The following RBPJ variants were observed in gnomAD, a reference collection of about 807,000 sequenced individuals.
RBPJ encodes the protein recombination signal binding protein for immunoglobulin kappa J region, also known as recombining binding protein suppressor of hairless.
RBPJ carries 9 observed loss-of-function variants against 67.8 expected under a neutral mutation model. The ratio of observed to expected loss-of-function variants is 0.13; its 90% CI spans 0.08 to 0.23. The LOEUF is 0.23. RBPJ is among the 10% of genes least tolerant of loss of function. RBPJ has a pLI of 1.00. For missense variants in RBPJ, 305 were observed against 595.6 expected (o/e 0.51, Z 5.08); for synonymous variants, 198 against 203.3 (o/e 0.97, Z 0.22).
intron 1 of RBPJ, among the ~76,000 whole-genome samples, chr4:26,347,107 G>C (rs185926799): frequency 2.8e-4 from 43 of 152,322 alleles, no homozygotes; most frequent in Non-Finnish European, 4.7e-4. Context: ...ATGGCCTTGA[G>C]GTAAAAGGCA....
intron 1 of RBPJ, among the ~76,000 whole-genome samples, chr4:26,210,952 C>T (rs1718400799): frequency 6.6e-6 from 1 of 151,812 alleles, no homozygotes; most frequent in Non-Finnish European, 1.5e-5. Context: ...TTATTTTTCT[C>T]CTTAAGTAGT....
At chr4:26,215,860 G>A (rs10050115) in intron 1 of RBPJ, among the ~76,000 whole-genome samples, 3 of 151,762 alleles carry the variant, frequency 2.0e-5, no homozygotes, top group Admixed American at 6.6e-5. Flanking sequence ...GTTCAGTGCC[G>A]GGCAGCACAT....
At chr4:26,176,251 T>C (rs1716791524) in intron 1 of RBPJ, among the ~76,000 whole-genome samples, 1 of 152,194 alleles carries the variant, frequency 6.6e-6, no homozygotes, top group Admixed American at 6.5e-5. Context: ...GCTGGCTCTA[T>C]TATTCCTATT....
chr4:26,228,511 G>A (rs1048287129), intron 1 of RBPJ, among the ~76,000 whole-genome samples: 1 of 152,002 alleles, frequency 6.6e-6, no homozygotes, highest in African/African-American at 2.4e-5. Context: ...TTCCAATTCC[G>A]ATTTCATTCT....
chr4:26,394,319 G>A (rs941736031), intron 2 of RBPJ, among the ~76,000 whole-genome samples: 3 of 152,068 alleles, frequency 2.0e-5, no homozygotes, highest in South Asian at 2.1e-4. Context: ...GAGCCACCAC[G>A]CCCAGCCTGG....
intron 1 of RBPJ, among the ~76,000 whole-genome samples, chr4:26,241,292 T>C (rs1355291105): frequency 6.6e-6 from 1 of 152,034 alleles, no homozygotes; most frequent in Admixed American, 6.6e-5. Flanking sequence ...TTAGCCAAGT[T>C]AGTGCTGGTG....
intron 1 of RBPJ, among the ~76,000 whole-genome samples, chr4:26,201,967 C>G (rs1301660859): frequency 6.6e-6 from 1 of 152,220 alleles, no homozygotes; most frequent in Non-Finnish European, 1.5e-5. Flanking sequence ...TCATCTTACT[C>G]CAACCATCAG....
intron 1 of RBPJ, among the ~76,000 whole-genome samples, chr4:26,299,635 C>T (rs1257437101): frequency 2.0e-5 from 3 of 147,828 alleles, no homozygotes; most frequent in Non-Finnish European, 4.4e-5. Flanking sequence ...TGGCAAATAA[C>T]GAGCAGATTT....
At chr4:26,288,174 T>G (rs1330195425) in intron 1 of RBPJ, among the ~76,000 whole-genome samples, 1 of 152,200 alleles carries the variant, frequency 6.6e-6, no homozygotes, top group African/African-American at 2.4e-5. Context: ...AAGGCAAGAA[T>G]AAACATTTAT....
the RBPJ span, among the ~76,000 whole-genome samples, chr4:26,148,363 C>T: frequency 6.6e-6 from 1 of 152,104 alleles, no homozygotes; most frequent in Admixed American, 6.5e-5. Context: ...GAGAGGTCAG[C>T]GTTGAAGAAC....
Position 26,214,726 on chromosome 4 carries a change from A to AGAAT in RBPJ, c.-167+51115_-167+51116insTGAA, listed in dbSNP as rs1183702626. 1.3e-3 allele frequency among the ~76,000 whole-genome samples: 171 copies of AGAAT among 134,812 alleles called. 1 individual carries two copies. The highest frequency in any genetic ancestry group is 3.6e-3 in the South Asian group (14 of 3,912). 88.4% of individuals were successfully genotyped at this position (134,812 alleles called of 152,430 possible). On this transcript the variant is annotated intron_variant, in intron 1 of 4. Coordinates refer to the RBPJ transcript ENST00000512351. ...GAAGGAAGGAAGGAGAGAGAGAGAAAGAAAGAGGGAAGAGAGAGAGAAAGA... is the reference window on the plus strand; with the variant it reads ...GAAGGAAGGAAGGAGAGAGAGAGAAAGAATGAAAGAGGGAAGAGAGAGAGAAAGA...
At chr4:26,177,648 GA>G (rs1716842129) in intron 1 of RBPJ, among the ~76,000 whole-genome samples, 1 of 148,100 alleles carries the variant, frequency 6.8e-6, no homozygotes, top group African/African-American at 2.6e-5. Context: ...AAGGAAGGAA[GA>G]AAGAAAGAAA....
chr4:26,270,092 G>A (rs1451386224), intron 1 of RBPJ, among the ~76,000 whole-genome samples: 1 of 151,424 alleles, frequency 6.6e-6, no homozygotes, highest in Non-Finnish European at 1.5e-5. Context: ...GACCAGTCCG[G>A]GCAACATGGC....
intron 1 of RBPJ, among the ~76,000 whole-genome samples, chr4:26,237,706 G>A (rs1052774838): frequency 2.6e-5 from 4 of 152,068 alleles, no homozygotes; most frequent in Admixed American, 6.6e-5. Flanking sequence ...TTTGACCCTC[G>A]GTCTCCCTAT....
the RBPJ span, among the ~76,000 whole-genome samples, chr4:26,130,012 C>T: frequency 6.6e-6 from 1 of 152,034 alleles, no homozygotes; most frequent in African/African-American, 2.4e-5. Flanking sequence ...CAGGCGTGCA[C>T]CACCACGCCC....
At chr4:26,387,709 G>A (rs1731062773) in intron 2 of RBPJ, among the ~76,000 whole-genome samples, 1 of 152,164 alleles carries the variant, frequency 6.6e-6, no homozygotes, top group African/African-American at 2.4e-5. Flanking sequence ...CAGCATGCGT[G>A]TGTAAGAAAA....
intron 1 of RBPJ, among the ~76,000 whole-genome samples, chr4:26,364,913 G>A (rs905265762): frequency 1.3e-5 from 2 of 151,758 alleles, no homozygotes; most frequent in African/African-American, 4.8e-5. Flanking sequence ...CACCGTGCCC[G>A]GCCTGGAAGT....
At chr4:26,228,920 CT>C (rs1226210616) in intron 1 of RBPJ, among the ~76,000 whole-genome samples, 1 of 152,146 alleles carries the variant, frequency 6.6e-6, no homozygotes, top group East Asian at 1.9e-4. Context: ...TCGGGCCTGA[CT>C]TTTTTTCCCA....
At chr4:26,421,383 A>G (rs1577664776) in intron 5 of RBPJ, among the ~76,000 whole-genome samples, 1 of 151,728 alleles carries the variant, frequency 6.6e-6, no homozygotes, top group East Asian at 1.9e-4. Flanking sequence ...GCTCACTGCA[A>G]CCTCCACCTC....
Sources: allele counts gnomAD v4.1 joint callset (sites outside exome capture counted in the v4.1 genomes callset), GRCh38; gene constraint gnomAD v4.1.1; transcripts MANE v1.5; gene names NCBI Gene and HGNC (gene_info 2026-07-23, HGNC 2026-07-21).